VPS16: variants seen among roughly 807,000 people sequenced by gnomAD.
VPS16 encodes the protein vacuolar protein sorting-associated protein 16 homolog.
Under a neutral mutation model 116.0 loss-of-function variants are expected in VPS16, and 82 were observed. The ratio of observed to expected loss-of-function variants is 0.71; its 90% CI spans 0.59 to 0.85. The LOEUF (loss-of-function observed/expected upper bound fraction) is 0.85, where lower values mean the gene tolerates loss of function less well. Ranked by LOEUF, VPS16 falls within the 40% of genes least tolerant of loss-of-function variation. The probability of loss-of-function intolerance (pLI) is 0.00; values close to 1 mark genes in which losing one functional copy is unlikely to be tolerated. For synonymous variants in VPS16, 406 were observed against 420.7 expected, an observed-to-expected ratio of 0.96 and a Z score of 0.43; for missense variants, 928 against 1,090.6, an observed-to-expected ratio of 0.85 and a Z score of 2.10.
Position 2,861,074 on chromosome 20 carries a change from G to T in VPS16, c.735G>T (p.Met245Ile). The change falls in exon 7 of 24, where the codon ATG becomes ATT. Residue 245 changes from methionine (M) to isoleucine (I), a missense_variant. Coordinates refer to ENST00000380445, the MANE Select transcript of VPS16 (RefSeq NM_022575.4). ...TCACAGACACAGGCTACATCTGGAT[G>T]GGGACAGCATCACTCAAGGTATGAT... ...ALFTDTGYIW[M>I]GTASLKEKLC... The T allele has an allele frequency of 6.2e-7, 1 of 1,614,208 alleles. No individual in the cohort carries two copies. The highest frequency in any genetic ancestry group is 1.1e-5 in the South Asian group (1 of 91,084).
intron 1 of VPS16, among the ~76,000 whole-genome samples, chr20:2,844,210 A>C (rs1269154790): frequency 6.6e-6 from 1 of 152,248 alleles, no homozygotes; most frequent in Non-Finnish European, 1.5e-5. Flanking sequence ...TTTAAGAGCA[A>C]GTACTTAGTT....
intron 1 of VPS16, 48 bp from the exon 2 acceptor site, chr20:2,859,671 C>G (rs201625989): frequency 6.3e-7 from 1 of 1,592,126 alleles, no homozygotes; most frequent in African/African-American, 1.3e-5. Context: ...TCACTCCATA[C>G]GGATGCAGGG....
rs200180667 is a variant in VPS16, at chr20:2,863,301, G to A, written c.1379G>A (p.Arg460Gln). ...ACCGGGTCTACCAGGCTCGTGTTGC[G>A]GAGACTTTACCCCCTGGCCATCCAG... ...IQVLLDRLVL[R>Q]RLYPLAIQIC... The change falls in exon 15 of 24, where the codon CGG becomes CAG. Residue 460 changes from arginine to glutamine, a missense_variant. Transcript: ENST00000380445. The surrounding 1 kb of genome is among the most constrained non-coding windows in gnomAD (Gnocchi z 4.4). 54 of 1,614,028 alleles carry A rather than the reference G, an allele frequency of 3.3e-5. No individual in the cohort carries two copies. The highest frequency in any genetic ancestry group is 5.0e-5 in the Admixed American group (3 of 60,004).
In VPS16 at chr20:2,865,098, T is replaced by C; in HGVS notation, c.2004+43T>C. 2.5e-6 allele frequency: 4 copies of C among 1,614,150 alleles called. No homozygotes were observed. The highest frequency in any genetic ancestry group is 3.4e-6 in the Non-Finnish European group (4 of 1,180,018). ...CCAAGAGCCTCCTCGTCTCCTGGTC[T>C]TCCCTCCTGGTCCCTCATCCCCATC... On this transcript the variant is annotated intron_variant, in intron 20 of 23. Coordinates refer to ENST00000380445, the MANE Select transcript of VPS16 (RefSeq NM_022575.4). This position sits in a 1 kb window ranked among gnomAD's most constrained non-coding sequence, Gnocchi z 5.2.
rs746967368 is a variant in VPS16 at position 2,862,062 on chromosome 20, G to A, written c.1003G>A (p.Glu335Lys). ...CCAACTCCCTTCCCCAGCGGCCAGC[G>A]AGGAAATCTTCAAAATTGCCTCAAT... ...EFLHEVPAAS[E>K]EIFKIASMAP... is the part of the protein sequence containing the mutation. Residue 335 changes from glutamate (E) to lysine (K), a missense_variant, in exon 11 of 24, where the codon GAG becomes AAG. Physicochemically the swap from Glu to Lys is moderately conservative, Grantham distance 56 (BLOSUM62 1). Transcript: ENST00000380445. 3.1e-6 allele frequency: 5 copies of A among 1,613,740 alleles called. No individual in the cohort carries two copies. The highest frequency in any genetic ancestry group is 4.5e-5 in the East Asian group (2 of 44,876).
intron 1 of VPS16, among the ~76,000 whole-genome samples, chr20:2,855,084 C>T (rs2089160111): frequency 1.3e-5 from 2 of 149,718 alleles, no homozygotes; most frequent in African/African-American, 2.5e-5. Flanking sequence ...CCTCAATCTC[C>T]CGAGTAGCTG....
At position 2,854,238 on chromosome 20, in the gene VPS16, T is replaced by TACACAC. The variant is rs150363426; in HGVS notation, c.54-5459_54-5454dup. ...AGCCTGGCAACAGAGACCCCGTCTC[T>TACACAC]ACACACACACACACACACACACACA... is the stretch of plus-strand genomic sequence containing the variant. On this transcript the variant is annotated intron_variant, in intron 1 of 23. Coordinates refer to ENST00000380445, the MANE Select transcript of VPS16 (RefSeq NM_022575.4). 5.6e-4 allele frequency among the ~76,000 whole-genome samples: 78 copies of TACACAC among 139,902 alleles called. 1 individual carries two copies. The highest frequency in any genetic ancestry group is 1.7e-3 in the East Asian group (8 of 4,642). The allele number at this position is 139,902 out of a possible 152,430, so 91.8% of individuals were successfully genotyped here.
In VPS16 at chr20:2,864,427, C is replaced by T. The variant is rs768290680; in HGVS notation, c.1783C>T (p.Arg595Trp). The T allele has an allele frequency of 1.4e-5, 22 of 1,614,144 alleles. No homozygotes were observed. Among genetic ancestry groups the T allele is most frequent in the South Asian group, 7.7e-5 (7 of 91,082 alleles). The change falls in exon 18 of 24, where the codon CGG becomes TGG. Residue 595 changes from arginine to tryptophan, a missense_variant. Transcript: ENST00000380445. The surrounding 1 kb of genome is among the most constrained non-coding windows in gnomAD (Gnocchi z 5.2). The stretch of plus-strand genomic sequence containing the variant: ...CCGAGGAGATTTTTTCATGACCCTT[C>T]GGAATCAGCCCATGGCCCTCAGTTT... ...LNRGDFFMTL[R>W]NQPMALSLYR...
In VPS16 at chr20:2,859,994, C is replaced by T; in HGVS notation, c.143-60C>T. 3.7e-6 allele frequency: 6 copies of T among 1,602,288 alleles called. No homozygotes were observed. In the Admixed American group the frequency reaches 1.0e-4, roughly 27 times the overall value. On this transcript the variant is annotated intron_variant, in intron 2 of 23. Transcript: ENST00000380445. Reference sequence around the variant, plus strand: ...GGGCCTGGGGAGCCAGGATGTGAGGCCTGCTTCACATGGGGTGGGCCTAGG... The same window carrying T: ...GGGCCTGGGGAGCCAGGATGTGAGGTCTGCTTCACATGGGGTGGGCCTAGG...
intron 2 of VPS16, 118 bp downstream of exon 2, chr20:2,859,925 G>C: frequency 2.7e-6 from 4 of 1,488,232 alleles, no homozygotes; most frequent in Non-Finnish European, 3.7e-6. Flanking sequence ...ACCCTGCTGA[G>C]ATGCTTTTAC....
chr20:2,847,902 T>C (rs917352090), intron 1 of VPS16, among the ~76,000 whole-genome samples: 1 of 152,208 alleles, frequency 6.6e-6, no homozygotes, highest in Non-Finnish European at 1.5e-5. Context: ...GGTGTCTACA[T>C]GCAGAACCCC....
chr20:2,848,660 A>C (rs1211646729), intron 1 of VPS16, among the ~76,000 whole-genome samples: 2 of 152,204 alleles, frequency 1.3e-5, no homozygotes, highest in African/African-American at 4.8e-5. Context: ...GGGTAAGGCC[A>C]GTTGATCCCA....
intron 1 of VPS16, among the ~76,000 whole-genome samples, chr20:2,850,409 A>G (rs1215789375): frequency 6.6e-6 from 1 of 152,152 alleles, no homozygotes; most frequent in Non-Finnish European, 1.5e-5. Flanking sequence ...TGAGCAGATC[A>G]TGAGGTCAAG....
intron 1 of VPS16, among the ~76,000 whole-genome samples, chr20:2,856,021 G>A (rs1348431493): frequency 2.6e-5 from 4 of 152,196 alleles, no homozygotes; most frequent in African/African-American, 9.7e-5. Context: ...TGGCACACGA[G>A]GCCTAGCTTT....
In VPS16 at chr20:2,864,797, G is replaced by T; in HGVS notation, c.1926+143G>T. On this transcript the variant is annotated intron_variant, in intron 19 of 23. Transcript: ENST00000380445. This position sits in a 1 kb window ranked among gnomAD's most constrained non-coding sequence, Gnocchi z 5.2. ...TGAGGGAGACTCTGACGTGAGGCCA[G>T]GATGGGGGTTAGTGTCAGAGGAGCT... The T allele has an allele frequency of 8.6e-7, 1 of 1,163,046 alleles. No homozygotes were observed. The allele number at this position is 1,163,046 out of a possible 1,614,324, so 72.0% of individuals were successfully genotyped here.
intron 1 of VPS16, 117 bp downstream of exon 1, chr20:2,840,944 C>A: frequency 9.6e-7 from 1 of 1,040,638 alleles, no homozygotes. Flanking sequence ...CCCGCGCCGG[C>A]TCTCCCCGAG....
At chr20:2,849,305 T>TG (rs1411404531) in intron 1 of VPS16, among the ~76,000 whole-genome samples, 1 of 151,510 alleles carries the variant, frequency 6.6e-6, no homozygotes, top group Non-Finnish European at 1.5e-5. Context: ...AGATTCTTTT[T>TG]TTTTTTTTTT....
Position 2,864,788 on chromosome 20 carries a change from G to T in VPS16, c.1926+134G>T. ...TCCTCACTGTGAGGGAGACTCTGAC[G>T]TGAGGCCAGGATGGGGGTTAGTGTC... is the stretch of plus-strand genomic sequence containing the variant. On this transcript the variant is annotated intron_variant, in intron 19 of 23. Coordinates refer to ENST00000380445, the MANE Select transcript of VPS16 (RefSeq NM_022575.4). This position sits in a 1 kb window ranked among gnomAD's most constrained non-coding sequence, Gnocchi z 5.2. The T allele has an allele frequency of 4.3e-6, 5 of 1,166,546 alleles. No individual in the cohort carries two copies. Among genetic ancestry groups the T allele is most frequent in the Non-Finnish European group, 6.2e-6 (5 of 807,630 alleles). The allele number at this position is 1,166,546 out of a possible 1,614,324, so 72.3% of individuals were successfully genotyped here. A position where few individuals can be genotyped will look rare whatever the true frequency, so the allele number is the denominator to read the frequency against.
Position 2,864,806 on chromosome 20 carries a change from T to C in VPS16, c.1926+152T>C. 1 of 1,170,416 alleles carries C rather than the reference T, an allele frequency of 8.5e-7. No individual in the cohort carries two copies. The highest frequency in any genetic ancestry group is 1.2e-6 in the Non-Finnish European group (1 of 812,562). The allele number at this position is 1,170,416 out of a possible 1,614,324, so 72.5% of individuals were successfully genotyped here. On this transcript the variant is annotated intron_variant, in intron 19 of 23. Coordinates refer to ENST00000380445, the MANE Select transcript of VPS16 (RefSeq NM_022575.4). This position sits in a 1 kb window ranked among gnomAD's most constrained non-coding sequence, Gnocchi z 5.2. ...CTCTGACGTGAGGCCAGGATGGGGG[T>C]TAGTGTCAGAGGAGCTAGCCATCCC...
Sources: allele counts gnomAD v4.1 joint callset (sites outside exome capture counted in the v4.1 genomes callset), GRCh38; gene constraint gnomAD v4.1.1; non-coding constraint Gnocchi (gnomAD v3.1); transcripts MANE v1.5; gene names NCBI Gene and HGNC (gene_info 2026-07-23, HGNC 2026-07-21).